COG8: variants seen among roughly 807,000 people sequenced by gnomAD.
COG8 encodes conserved oligomeric Golgi complex subunit 8.
Under a neutral mutation model 46.5 loss-of-function variants are expected in COG8, and 45 were observed. That is an observed-to-expected ratio of 0.97 (90% CI 0.76 to 1.24). The LOEUF (loss-of-function observed/expected upper bound fraction) is 1.24, where lower values mean the gene tolerates loss of function less well. Ranked by LOEUF, COG8 falls within the 50% of genes most tolerant of loss-of-function variation. The pLI, the probability that COG8 is intolerant of heterozygous loss-of-function variation, is 0.00. For missense variants in COG8, 793 were observed against 820.8 expected (o/e 0.97, Z 0.41); for synonymous variants, 407 against 347.8 (o/e 1.17, Z -1.90).
intron 5 of COG8, 170 bp downstream of exon 5, chr16:69,330,643 G>C: frequency 7.1e-7 from 1 of 1,409,122 alleles, no homozygotes; most frequent in Non-Finnish European, 9.2e-7. Flanking sequence ...AGCGCCGTCG[G>C]CCAGCACACA....
chr16:69,333,281 C>T (rs1464007820), intron 3 of COG8, among the ~76,000 whole-genome samples: 1 of 151,896 alleles, frequency 6.6e-6, no homozygotes, highest in Non-Finnish European at 1.5e-5. Flanking sequence ...ATACTCCCAC[C>T]TTAGCCTCCC....
intron 3 of COG8, among the ~76,000 whole-genome samples, chr16:69,333,565 G>C (rs1032771442): frequency 2.0e-5 from 3 of 152,202 alleles, no homozygotes; most frequent in Admixed American, 6.5e-5. Flanking sequence ...TAAGCCCCGA[G>C]GTTTCAGAAA....
At chr16:69,335,767 G>A (rs1227972848) in intron 2 of COG8, among the ~76,000 whole-genome samples, 2 of 151,450 alleles carry the variant, frequency 1.3e-5, no homozygotes, top group Non-Finnish European at 2.9e-5. Context: ...AGTGAGCCAA[G>A]GTCGCACCAC....
intron 4 of COG8, among the ~76,000 whole-genome samples, chr16:69,331,877 T>A (rs765523886): frequency 6.6e-6 from 1 of 152,132 alleles, no homozygotes; most frequent in African/African-American, 2.4e-5. Flanking sequence ...AAGCAGAACG[T>A]AACGGAACAG....
intron 5 of COG8, chr16:69,330,097 C>G: frequency 6.3e-7 from 1 of 1,580,384 alleles, no homozygotes; most frequent in Admixed American, 1.8e-5. Context: ...CAAGCACTCG[C>G]AGGCTGGGGT....
At position 69,335,346 on chromosome 16, in the gene COG8, G is replaced by T; in HGVS notation, c.588C>A (p.Gly196=). The T allele has an allele frequency of 6.3e-7, 1 of 1,590,890 alleles. No homozygotes were observed. Among genetic ancestry groups the T allele is most frequent in the Non-Finnish European group, 8.5e-7 (1 of 1,173,514 alleles). The stretch of plus-strand genomic sequence containing the variant: ...TGGACTGGCGCACTTCGTTCACGAT[G>T]CCCTGACAATACACAGAGAGAGTCA... ...RKYSSIPVIQ[G]IVNEVRQSMQ... is the part of the protein sequence containing the mutation. The change falls in exon 3 of 6, where the codon GGC becomes GGA. Residue 196 remains glycine, a splice_region_variant and synonymous_variant. Coordinates refer to ENST00000306875, the MANE Select transcript of COG8 (RefSeq NM_032382.5).
chr16:69,332,566 G>A (rs1184068908), intron 4 of COG8, 148 bp downstream of exon 4: 8 of 816,454 alleles, frequency 9.8e-6, no homozygotes, highest in East Asian at 5.1e-5. Context: ...GACTACAAAC[G>A]TGCATGAAGG....
rs752727817 is a variant in COG8, at chr16:69,332,823, C to T, written c.1473G>A (p.Glu491=). ...TGCAGAACTGGACAAAGAGCTCTTG[C>T]TCCCCGCTGCTGAAGGCAGCCTCTT... ...RAEEAAFSSG[E]QELFVQFCTV... is the part of the protein sequence containing the mutation. The change falls in exon 4 of 6, where the codon GAG becomes GAA. Residue 491 remains glutamate, a synonymous_variant. Transcript: ENST00000306875. 8.1e-6 allele frequency: 13 copies of T among 1,614,210 alleles called. 1 individual carries two copies. The South Asian group carries it at 1.2e-4, about 15-fold the overall frequency.
Position 69,328,851 on chromosome 16 carries a change from T to G in COG8, c.*355A>C. On this transcript the variant is annotated 3_prime_UTR_variant, in exon 6 of 6. Coordinates refer to ENST00000306875, the MANE Select transcript of COG8 (RefSeq NM_032382.5). The stretch of plus-strand genomic sequence containing the variant: ...GCCAACATTTTGTCCGTAACTGATT[T>G]CAGGGCAAACATTTCTGACATCTTC... 1 of 885,862 alleles carries G rather than the reference T, an allele frequency of 1.1e-6. No homozygotes were observed. Among genetic ancestry groups the G allele is most frequent in the Non-Finnish European group, 1.7e-6 (1 of 594,444 alleles). 54.9% of individuals were successfully genotyped at this position (885,862 alleles called of 1,614,324 possible). A position where few individuals can be genotyped will look rare whatever the true frequency, so the allele number is the denominator to read the frequency against.
chr16:69,334,923 G>A lies in COG8; in HGVS notation c.1011C>T (p.Gly337=). Residue 337 remains glycine, a synonymous_variant, in exon 3 of 6, where the codon GGC becomes GGT. Coordinates refer to ENST00000306875, the MANE Select transcript of COG8 (RefSeq NM_032382.5). ...LQVLETDLYR[G]IGGHLDSLLG... ...GCAGAGAGTCCAGGTGGCCGCCTAT[G>A]CCCCGGTAAAGGTCGGTCTCCAGCA... The A allele has an allele frequency of 6.2e-7, 1 of 1,614,172 alleles. No homozygotes were observed. Among genetic ancestry groups the A allele is most frequent in the South Asian group, 1.1e-5 (1 of 91,084 alleles).
At chr16:69,337,418 A>G (rs2143365434) in intron 1 of COG8, among the ~76,000 whole-genome samples, 1 of 152,350 alleles carries the variant, frequency 6.6e-6, no homozygotes, top group African/African-American at 2.4e-5. Context: ...AAAGAGACAC[A>G]GTTAAATATT....
intron 3 of COG8, 25 bp downstream of exon 3, chr16:69,334,496 C>T (rs201989475): frequency 3.1e-6 from 5 of 1,605,412 alleles, no homozygotes; most frequent in Non-Finnish European, 4.3e-6. Flanking sequence ...CCCAGGGTAG[C>T]AGAAAACCAA....
chr16:69,333,019 C>G, intron 3 of COG8, 137 bp from the exon 4 acceptor site: 1 of 755,256 alleles, frequency 1.3e-6, no homozygotes. Context: ...ATTTTACTGT[C>G]TCATTTAAAC....
rs2011777413 is a variant in COG8 at position 69,330,940 on chromosome 16, C to G, written c.1738G>C (p.Glu580Gln). Reference protein sequence around the residue: ...LGPELTAPAPEPPAEEPRLEP... With the variant: ...LGPELTAPAPQPPAEEPRLEP... Reference sequence around the variant, plus strand: ...AGGCGTGGCTCCTCGGCGGGAGGCTCTGGTGCTGGAGCTGTGAGCTCGGGC... The same window carrying G: ...AGGCGTGGCTCCTCGGCGGGAGGCTGTGGTGCTGGAGCTGTGAGCTCGGGC... Residue 580 changes from glutamate (E) to glutamine (Q), a missense_variant, in exon 5 of 6, where the codon GAG becomes CAG. By Grantham distance (29) the Glu-to-Gln change is conservative (BLOSUM62 2). Transcript: ENST00000306875. The G allele has an allele frequency of 6.4e-7, 1 of 1,562,348 alleles. No homozygotes were observed. The highest frequency in any genetic ancestry group is 8.7e-7 in the Non-Finnish European group (1 of 1,154,044).
intron 1 of COG8, among the ~76,000 whole-genome samples, chr16:69,337,104 A>C (rs1194173911): frequency 6.6e-6 from 1 of 151,864 alleles, no homozygotes; most frequent in Non-Finnish European, 1.5e-5. Context: ...TTCAAGTGAA[A>C]CCCCATCTCT....
chr16:69,331,875 C>T (rs1237670427), intron 4 of COG8, among the ~76,000 whole-genome samples: 1 of 152,116 alleles, frequency 6.6e-6, no homozygotes, highest in African/African-American at 2.4e-5. Flanking sequence ...TGAAGCAGAA[C>T]GTAACGGAAC....
rs549005358 is a variant in COG8, at chr16:69,328,660, C to T, written c.*546G>A. 1.4e-5 allele frequency: 3 copies of T among 214,570 alleles called. No individual in the cohort carries two copies. The South Asian group carries it at 2.2e-4, about 15-fold the overall frequency. 13.3% of individuals were successfully genotyped at this position (214,570 alleles called of 1,614,324 possible). On this transcript the variant is annotated 3_prime_UTR_variant, in exon 6 of 6. Transcript: ENST00000306875. The stretch of plus-strand genomic sequence containing the variant: ...TACCTGCATTTTTAAAGACAGCTTT[C>T]AGGTATTTGGGGACTACATTATTAC...
rs1296950395 is a variant in COG8 at position 69,328,042 on chromosome 16, G to A, written c.*1164C>T. On this transcript the variant is annotated 3_prime_UTR_variant, in exon 6 of 6. Coordinates refer to ENST00000306875, the MANE Select transcript of COG8 (RefSeq NM_032382.5). ...CAGCTCACTGTAACCTCCGCCTCCT[G>A]GGTTCAAGTAATTCTCTGCCTTGGC... 6.6e-6 allele frequency: 1 copy of A among 152,150 alleles called. No homozygotes were observed. Among genetic ancestry groups the A allele is most frequent in the Non-Finnish European group, 1.5e-5 (1 of 68,062 alleles). 9.4% of individuals were successfully genotyped at this position (152,150 alleles called of 1,614,324 possible).
chr16:69,332,499 G>A (rs747435060), intron 4 of COG8: 1 of 628,230 alleles, frequency 1.6e-6, no homozygotes, highest in Non-Finnish European at 2.8e-6. Context: ...TCCAGAAGAG[G>A]CAAATCTATG....
Sources: allele counts gnomAD v4.1 joint callset (sites outside exome capture counted in the v4.1 genomes callset), GRCh38; gene constraint gnomAD v4.1.1; transcripts MANE v1.5; gene names NCBI Gene and HGNC (gene_info 2026-07-23, HGNC 2026-07-21).